AR: variants seen among roughly 807,000 people sequenced by gnomAD.
AR encodes the protein dihydrotestosterone receptor.
Under a neutral mutation model 53.9 loss-of-function variants are expected in AR, and 8 were observed. The observed-to-expected ratio is 0.15, with a 90% CI of 0.09 to 0.27. AR has a LOEUF of 0.27. Ranked by LOEUF, AR falls within the 10% of genes least tolerant of loss-of-function variation. The pLI, the probability that AR is intolerant of heterozygous loss-of-function variation, is 1.00. For synonymous variants in AR, 359 were observed against 316.4 expected, an observed-to-expected ratio of 1.13 and a Z score of -1.43; for missense variants, 639 against 742.5, an observed-to-expected ratio of 0.86 and a Z score of 1.62.
intron 3 of AR, among the ~76,000 whole-genome samples, chrX:67,699,520 G>A (rs1046036715): frequency 1.8e-5 from 2 of 111,689 alleles, no homozygotes; most frequent in South Asian, 7.6e-4. Flanking sequence ...TCCCAGTCCC[G>A]TAAGGGCTCA....
chrX:67,705,554 A>G (rs1405625197), intron 3 of AR, among the ~76,000 whole-genome samples: 1 of 111,505 alleles, frequency 9.0e-6, no homozygotes, highest in East Asian at 2.8e-4. Flanking sequence ...GGCTGAGACA[A>G]TGGGGTTTTC....
chrX:67,630,868 G>T (rs1325441822), intron 1 of AR, among the ~76,000 whole-genome samples: 5 of 110,293 alleles, frequency 4.5e-5, no homozygotes, highest in African/African-American at 1.6e-4. Context: ...TTGCTTGTCT[G>T]TAAAGGATTT....
chrX:67,576,643 A>G (rs1342886863), intron 1 of AR, among the ~76,000 whole-genome samples: 1 of 111,270 alleles, frequency 9.0e-6, no homozygotes, highest in Non-Finnish European at 1.9e-5. Context: ...CTCAGAGGTC[A>G]TATTTTTAGT....
rs1929668017 is a variant in AR at position 67,545,361 on chromosome X, A to AGCAGCG, written c.220_221insGGCAGC (p.Gln73_Gln74insArgGln). 1 of 1,186,103 alleles carries AGCAGCG rather than the reference A, an allele frequency of 8.4e-7. No homozygotes were observed. Among genetic ancestry groups the AGCAGCG allele is most frequent in the East Asian group, 3.0e-5 (1 of 32,918 alleles). On this transcript the variant is annotated inframe_insertion, in exon 1 of 8. Coordinates refer to ENST00000374690, the MANE Select transcript of AR (RefSeq NM_000044.6). ...CAGCAGCAGCAGCAGCAGCAGCAGC[A>AGCAGCG]GCAGCAGCAGCAGCAGCAGCAGCAA...
At chrX:67,605,857 G>A (rs1037936920) in intron 1 of AR, among the ~76,000 whole-genome samples, 1 of 111,577 alleles carries the variant, frequency 9.0e-6, no homozygotes, top group Non-Finnish European at 1.9e-5. Flanking sequence ...CTCAAAATGG[G>A]CATATAATAT....
At chrX:67,645,985 C>T (rs1926038863) in intron 2 of AR, among the ~76,000 whole-genome samples, 2 of 111,917 alleles carry the variant, frequency 1.8e-5, no homozygotes, top group African/African-American at 6.5e-5. Flanking sequence ...GTTGAAACAT[C>T]AAATTATACC....
intron 2 of AR, 152 bp from the exon 3 acceptor site, chrX:67,685,858 C>A: frequency 1.2e-6 from 1 of 811,191 alleles, no homozygotes; most frequent in South Asian, 2.6e-5. Context: ...TATTTAGGTT[C>A]TGTATGATCA....
Position 67,544,231 on chromosome X carries a change from G to A in AR, c.-916G>A, listed in dbSNP as rs749581885. 1 of 136,961 alleles carries A rather than the reference G, an allele frequency of 7.3e-6. No homozygotes were observed. The highest frequency in any genetic ancestry group is 1.5e-5 in the Non-Finnish European group (1 of 68,041). 11.3% of individuals were successfully genotyped at this position (136,961 alleles called of 1,213,427 possible). A position where few individuals can be genotyped will look rare whatever the true frequency, so the allele number is the denominator to read the frequency against. On this transcript the variant is annotated 5_prime_UTR_variant, in exon 1 of 8. Transcript: ENST00000374690. ...GCAGCGCGGCGGCTTCGAAGCCGCC[G>A]CCCGGAGCTGCCCTTTCCTCTTCGG...
In AR at chrX:67,619,842, C is replaced by T. The variant is rs1373799527; in HGVS notation, c.1617-23414C>T. On this transcript the variant is annotated intron_variant, in intron 1 of 7. Transcript: ENST00000374690. ...TTTTTAGTCTCTGCCAATGACTCCTCTCCCCATGATCAAAATCAGAAAATC... is the reference window on the plus strand; with the variant it reads ...TTTTTAGTCTCTGCCAATGACTCCTTTCCCCATGATCAAAATCAGAAAATC... Among the ~76,000 whole-genome samples the T allele has an allele frequency of 2.7e-5, 3 of 110,437 alleles. No homozygotes were observed. In the Admixed American group the frequency reaches 2.9e-4, roughly 11 times the overall value.
intron 2 of AR, among the ~76,000 whole-genome samples, chrX:67,679,283 T>C (rs749895252): frequency 2.8e-4 from 31 of 111,570 alleles, no homozygotes; most frequent in Non-Finnish European, 4.9e-4. Flanking sequence ...TTTTTGTTAT[T>C]ATTTTAACAA....
In AR at chrX:67,717,385, G is replaced by A. The variant is rs2147530204; in HGVS notation, c.2174-93G>A. ...CCCTGGGGATCCTTAGGGGATGCCC[G>A]AATACCAGAGCATCTCTGCCCAACA... On this transcript the variant is annotated intron_variant, in intron 4 of 7. Transcript: ENST00000374690. The A allele has an allele frequency of 7.1e-6, 8 of 1,130,536 alleles. No homozygotes were observed. In the South Asian group the frequency reaches 1.1e-4, roughly 16 times the overall value. The allele number at this position is 1,130,536 out of a possible 1,213,427, so 93.2% of individuals were successfully genotyped here.
intron 2 of AR, among the ~76,000 whole-genome samples, chrX:67,678,579 T>C (rs1348503721): frequency 1.8e-5 from 2 of 111,939 alleles, no homozygotes; most frequent in Non-Finnish European, 3.8e-5. Context: ...ATGTTTGATA[T>C]ATAGGTAAAC....
chrX:67,723,772 G>A lies in AR; in HGVS notation c.2694G>A (p.Glu898=), dbSNP rs2076147278. Residue 898 remains glutamate, a synonymous_variant, in exon 8 of 8, where the codon GAG becomes GAA. Transcript: ENST00000374690. ...VSVDFPEMMA[E]IISVQVPKIL... ...TGGACTTTCCGGAAATGATGGCAGA[G>A]ATCATCTCTGTGCAAGTGCCCAAGA... is the stretch of plus-strand genomic sequence containing the variant. 4.1e-6 allele frequency: 5 copies of A among 1,210,860 alleles called. No individual in the cohort carries two copies. The East Asian group carries it at 1.5e-4, about 36-fold the overall frequency.
chrX:67,663,192 G>A (rs188608612), intron 2 of AR, among the ~76,000 whole-genome samples: 7 of 111,486 alleles, frequency 6.3e-5, no homozygotes, highest in Admixed American at 1.9e-4. Flanking sequence ...TATTTTGCTC[G>A]TTAGTTGATG....
At chrX:67,589,124 G>A (rs1417149880) in intron 1 of AR, among the ~76,000 whole-genome samples, 3 of 111,880 alleles carry the variant, frequency 2.7e-5, no homozygotes, top group African/African-American at 6.5e-5. Context: ...TTAGCCGGGC[G>A]CGGTGGCGGG....
At chrX:67,587,388 G>A (rs922324607) in intron 1 of AR, among the ~76,000 whole-genome samples, 8 of 112,749 alleles carry the variant, frequency 7.1e-5, no homozygotes, top group African/African-American at 2.3e-4. Context: ...GCTAGGACAA[G>A]GGCAGACAAG....
At chrX:67,681,173 A>G (rs2075931568) in intron 2 of AR, among the ~76,000 whole-genome samples, 1 of 111,806 alleles carries the variant, frequency 8.9e-6, no homozygotes, top group Non-Finnish European at 1.9e-5. Flanking sequence ...TAGACTGTGG[A>G]TACAACTTTG....
At chrX:67,723,152 A>T (rs2076143219) in intron 7 of AR, among the ~76,000 whole-genome samples, 168 bp downstream of exon 7, 1 of 110,196 alleles carries the variant, frequency 9.1e-6, no homozygotes, top group South Asian at 4.0e-4. Context: ...CACGGGTCAC[A>T]GTGTCCCAGC....
chrX:67,569,828 A>G (rs996834258), intron 1 of AR, among the ~76,000 whole-genome samples: 2 of 110,983 alleles, frequency 1.8e-5, no homozygotes, highest in African/African-American at 6.6e-5. Flanking sequence ...AGTTTATGTC[A>G]TAGCCATTCT....
Sources: gnomAD v4.1 joint callset for allele counts (sites outside exome capture counted in the v4.1 genomes callset) on GRCh38, gnomAD v4.1.1 for gene constraint, MANE v1.5 for transcripts, NCBI Gene and HGNC (gene_info 2026-07-23, HGNC 2026-07-21) for gene names.